FXYD6: variants seen among roughly 807,000 people sequenced by gnomAD.
The protein encoded by FXYD6 is FXYD domain containing ion transport regulator 6.
In FXYD6, 7 loss-of-function variants were observed where a neutral mutation model predicts 16.7. That is an observed-to-expected ratio of 0.42 (90% CI 0.24 to 0.79). FXYD6 has a LOEUF of 0.79. Ranked by LOEUF, FXYD6 falls within the 30% of genes least tolerant of loss-of-function variation. The probability of loss-of-function intolerance (pLI) is 0.28; values close to 1 mark genes in which losing one functional copy is unlikely to be tolerated. For synonymous variants in FXYD6, 49 were observed against 43.0 expected (o/e 1.14, Z -0.54); for missense variants, 111 against 116.2 (o/e 0.95, Z 0.21).
chr11:117,873,733 T>A (rs2057191027), intron 1 of FXYD6, among the ~76,000 whole-genome samples: 1 of 152,186 alleles, frequency 6.6e-6, no homozygotes, highest in Admixed American at 6.5e-5. Context: ...GGAGGTGCTC[T>A]TATTTAGGGG....
intron 1 of FXYD6, among the ~76,000 whole-genome samples, chr11:117,875,785 C>G (rs1018830257): frequency 6.6e-6 from 1 of 152,156 alleles, no homozygotes; most frequent in Non-Finnish European, 1.5e-5. Flanking sequence ...ATGTTTCCAG[C>G]GAGGCTGCTC....
Position 117,862,485 on chromosome 11 carries a change from G to T in FXYD6, c.-6+14107C>A, listed in dbSNP as rs114883009. ...CTGTTCCTGGGAGAAAACAACTCAC[G>T]CCCTTCCCTGGCTACAGGGCCGCTG... On this transcript the variant is annotated intron_variant, in intron 1 of 7. Coordinates refer to ENST00000526014, the MANE Select transcript of FXYD6 (RefSeq NM_022003.4). 2.6e-5 allele frequency among the ~76,000 whole-genome samples: 4 copies of T among 152,256 alleles called. No homozygotes were observed. In the East Asian group the frequency reaches 7.7e-4, roughly 29 times the overall value.
chr11:117,850,826 C>T (rs1009696064), intron 1 of FXYD6, among the ~76,000 whole-genome samples: 1 of 151,730 alleles, frequency 6.6e-6, no homozygotes, highest in Middle Eastern at 3.2e-3. Context: ...CCTTTTCTCC[C>T]TCTACTGGTT....
At chr11:117,848,233 G>A (rs1468694806) in intron 1 of FXYD6, among the ~76,000 whole-genome samples, 1 of 152,092 alleles carries the variant, frequency 6.6e-6, no homozygotes, top group African/African-American at 2.4e-5. Flanking sequence ...CTAATGCTTT[G>A]AAAGTTCCCC....
intron 1 of FXYD6, among the ~76,000 whole-genome samples, chr11:117,860,234 G>A (rs547197637): frequency 6.6e-6 from 1 of 152,078 alleles, no homozygotes; most frequent in African/African-American, 2.4e-5. Context: ...TCACAGGGAG[G>A]GATCACATCC....
intron 1 of FXYD6, among the ~76,000 whole-genome samples, chr11:117,865,044 T>C (rs2056985873): frequency 6.6e-6 from 1 of 152,162 alleles, no homozygotes; most frequent in African/African-American, 2.4e-5. Flanking sequence ...AATTCAAAAA[T>C]GAGCAAATAA....
chr11:117,837,969 C>T lies in FXYD6; in HGVS notation c.*330G>A. On this transcript the variant is annotated 3_prime_UTR_variant, in exon 8 of 8. Transcript: ENST00000526014. This position sits in a 1 kb window ranked among gnomAD's most constrained non-coding sequence, Gnocchi z 4.4. Reference sequence around the variant, plus strand: ...GCCCCTGCCTGGGAAAGCGAGTCCACAGTTCACTAACAAACACAATACCAT... The same window carrying T: ...GCCCCTGCCTGGGAAAGCGAGTCCATAGTTCACTAACAAACACAATACCAT... 1.9e-6 allele frequency: 1 copy of T among 537,638 alleles called. No homozygotes were observed. The allele number at this position is 537,638 out of a possible 1,614,324, so 33.3% of individuals were successfully genotyped here. A position where few individuals can be genotyped will look rare whatever the true frequency, so the allele number is the denominator to read the frequency against.
intron 1 of FXYD6, among the ~76,000 whole-genome samples, chr11:117,864,000 T>C (rs1282706332): frequency 6.6e-6 from 1 of 152,204 alleles, no homozygotes; most frequent in Non-Finnish European, 1.5e-5. Flanking sequence ...AAAGACCTAA[T>C]ATTTTTAAGA....
chr11:117,865,853 G>A (rs888137643), intron 1 of FXYD6, among the ~76,000 whole-genome samples: 2 of 152,110 alleles, frequency 1.3e-5, no homozygotes, highest in South Asian at 4.2e-4. Flanking sequence ...CTTGAACCCG[G>A]GTGGTGGAGG....
chr11:117,856,823 G>A (rs958746167), intron 1 of FXYD6, among the ~76,000 whole-genome samples: 1 of 152,116 alleles, frequency 6.6e-6, no homozygotes, highest in Admixed American at 6.5e-5. Flanking sequence ...TGTGAAAATT[G>A]GGGCCCAAAG....
chr11:117,873,763 C>A (rs2057191643), intron 1 of FXYD6, among the ~76,000 whole-genome samples: 1 of 151,812 alleles, frequency 6.6e-6, no homozygotes. Context: ...TGGGTGGACT[C>A]CCCCGAGGCT....
intron 1 of FXYD6, among the ~76,000 whole-genome samples, chr11:117,851,484 G>C (rs2056609922): frequency 6.6e-6 from 1 of 152,222 alleles, no homozygotes; most frequent in Non-Finnish European, 1.5e-5. Flanking sequence ...CCTTGAGCCA[G>C]AACCACCCAC....
chr11:117,853,488 C>G (rs2056652834), intron 1 of FXYD6, among the ~76,000 whole-genome samples: 1 of 151,466 alleles, frequency 6.6e-6, no homozygotes, highest in Non-Finnish European at 1.5e-5. Flanking sequence ...TACTCCAGTG[C>G]TAGTTTTTGT....
At chr11:117,851,788 C>T (rs765260139) in intron 1 of FXYD6, among the ~76,000 whole-genome samples, 17 of 152,236 alleles carry the variant, frequency 1.1e-4, no homozygotes, top group Non-Finnish European at 2.5e-4. Flanking sequence ...AGAGACCCTA[C>T]GGCGATCCCC....
rs769549450 is a variant in FXYD6, at chr11:117,870,007, C to T, written c.-6+6585G>A. The stretch of plus-strand genomic sequence containing the variant: ...CCATTCTCTGGGCCCCAGCCTGGTC[C>T]GTGGGGCCCCAGCCCCCTTCCCAGG... On this transcript the variant is annotated intron_variant, in intron 1 of 7. Coordinates refer to ENST00000526014, the MANE Select transcript of FXYD6 (RefSeq NM_022003.4). The surrounding 1 kb of genome is among the most constrained non-coding windows in gnomAD (Gnocchi z 4.2). Among the ~76,000 whole-genome samples, 7 of 152,248 alleles carry T rather than the reference C, an allele frequency of 4.6e-5. No homozygotes were observed. Among genetic ancestry groups the T allele is most frequent in the Admixed American group, 2.0e-4 (3 of 15,292 alleles).
At chr11:117,845,087 A>G (rs1229839936) in intron 1 of FXYD6, among the ~76,000 whole-genome samples, 3 of 152,196 alleles carry the variant, frequency 2.0e-5, no homozygotes, top group Non-Finnish European at 4.4e-5. Flanking sequence ...TTCGTCACCA[A>G]TCTCGGGTTC....
At chr11:117,839,651 G>T in intron 7 of FXYD6, 130 bp downstream of exon 7, 1 of 1,119,628 alleles carries the variant, frequency 8.9e-7, no homozygotes, top group Non-Finnish European at 1.3e-6. Context: ...AGGCTCCTCA[G>T]GGCAGGGCCC....
intron 1 of FXYD6, among the ~76,000 whole-genome samples, chr11:117,857,471 G>A (rs1477692608): frequency 2.0e-5 from 3 of 150,024 alleles, no homozygotes; most frequent in Admixed American, 6.6e-5. Flanking sequence ...GTGCAGTGGC[G>A]CAATCTTGGC....
intron 1 of FXYD6, chr11:117,869,320 G>C (rs563444315): frequency 6.6e-6 from 1 of 152,384 alleles, no homozygotes; most frequent in Admixed American, 6.5e-5. Context: ...CAGTCTAGGA[G>C]CAGGACAGGG....
Sources: gnomAD v4.1 joint callset for allele counts (sites outside exome capture counted in the v4.1 genomes callset) on GRCh38, gnomAD v4.1.1 for gene constraint, Gnocchi (gnomAD v3.1) non-coding constraint, MANE v1.5 for transcripts, NCBI Gene and HGNC (gene_info 2026-07-23, HGNC 2026-07-21) for gene names.